Variants in CDKN2B-AS1 observed in about 807,000 individuals in gnomAD.
CDKN2B-AS1 encodes CDKN2B antisense RNA 1 (non-protein coding).
intron 4 of CDKN2B-AS1, among the ~76,000 whole-genome samples, chr9:22,110,209 G>T (rs1402231654): frequency 1.3e-5 from 2 of 151,940 alleles, no homozygotes; most frequent in African/African-American, 4.8e-5. Flanking sequence ...TTCCTTAAAG[G>T]CTGAACTGAA....
At chr9:22,122,424 G>C (rs944883179) in intron 4 of CDKN2B-AS1, among the ~76,000 whole-genome samples, 1 of 151,978 alleles carries the variant, frequency 6.6e-6, no homozygotes, top group African/African-American at 2.4e-5. Context: ...TGTGTATTTT[G>C]TTTGTGTTAC....
At chr9:22,100,300 A>G (rs1825440065) in intron 4 of CDKN2B-AS1, among the ~76,000 whole-genome samples, 1 of 152,100 alleles carries the variant, frequency 6.6e-6, no homozygotes, top group Non-Finnish European at 1.5e-5. Context: ...CTTCATGCTC[A>G]TTTATTTAAT....
At chr9:22,033,715 A>G (rs773664630) in intron 1 of CDKN2B-AS1, among the ~76,000 whole-genome samples, 1 of 152,164 alleles carries the variant, frequency 6.6e-6, no homozygotes, top group Non-Finnish European at 1.5e-5. Flanking sequence ...ACTTGCTCCA[A>G]CAATTAACAC....
chr9:22,009,859 G>C (rs1212861766), intron 1 of CDKN2B-AS1, among the ~76,000 whole-genome samples: 1 of 152,138 alleles, frequency 6.6e-6, no homozygotes, highest in Non-Finnish European at 1.5e-5. Context: ...CATAAAAATA[G>C]AGAAAAATCC....
chr9:22,104,092 T>TGAGGC (rs1413226809), intron 4 of CDKN2B-AS1, among the ~76,000 whole-genome samples: 1 of 152,218 alleles, frequency 6.6e-6, no homozygotes, highest in East Asian at 1.9e-4. Flanking sequence ...CAGATATTAC[T>TGAGGC]AGGGAAATAT....
chr9:22,053,481 C>G (rs1587463107), intron 3 of CDKN2B-AS1, among the ~76,000 whole-genome samples: 1 of 152,184 alleles, frequency 6.6e-6, no homozygotes, highest in East Asian at 1.9e-4. Flanking sequence ...GCAGATAATT[C>G]CCAGTGATCA....
At chr9:22,103,826 G>A (rs1415275488) in intron 4 of CDKN2B-AS1, among the ~76,000 whole-genome samples, 1 of 152,148 alleles carries the variant, frequency 6.6e-6, no homozygotes, top group Non-Finnish European at 1.5e-5. Flanking sequence ...GCACATTGGG[G>A]TTTTCTGGCT....
chr9:22,095,123 G>A (rs1254880155), intron 4 of CDKN2B-AS1, among the ~76,000 whole-genome samples: 3 of 144,648 alleles, frequency 2.1e-5, no homozygotes, highest in Non-Finnish European at 2.9e-5. Context: ...GCTGCAGAAC[G>A]GCGAATGTTG....
At position 22,012,093 on chromosome 9, in the gene CDKN2B-AS1, A is replaced by G. The variant is rs1408307674; in HGVS notation, n.29+16932A>G. 5 of 719,510 alleles carry G rather than the reference A, an allele frequency of 6.9e-6. No individual in the cohort carries two copies. The East Asian group carries it at 1.4e-4, about 20-fold the overall frequency. 44.6% of individuals were successfully genotyped at this position (719,510 alleles called of 1,614,324 possible). On this transcript the variant is annotated intron_variant and non_coding_transcript_variant, in intron 1 of 4. Transcript: ENST00000650946. Reference sequence around the variant, plus strand: ...TGTCTGTATATGACCTTGATATAGAAGTATGAACAGATCTGCCATCCTCTT... The same window carrying G: ...TGTCTGTATATGACCTTGATATAGAGGTATGAACAGATCTGCCATCCTCTT...
rs1424965013 is a variant in CDKN2B-AS1, at chr9:22,006,917, A to C, written n.29+11756A>C. 6.6e-6 allele frequency among the ~76,000 whole-genome samples: 1 copy of C among 152,162 alleles called. No homozygotes were observed. Among genetic ancestry groups the C allele is most frequent in the East Asian group, 1.9e-4 (1 of 5,196 alleles). On this transcript the variant is annotated intron_variant and non_coding_transcript_variant, in intron 1 of 4. Coordinates refer to ENST00000650946, the Ensembl canonical transcript of CDKN2B-AS1. This position sits in a 1 kb window ranked among gnomAD's most constrained non-coding sequence, Gnocchi z 6.4. ...AAATCATGCAAAATCTTATAAAATT[A>C]TAATAAATGATTTTTCCTTAACAGT...
At chr9:22,115,197 G>A (rs1825916056) in intron 4 of CDKN2B-AS1, among the ~76,000 whole-genome samples, 1 of 152,180 alleles carries the variant, frequency 6.6e-6, no homozygotes, top group South Asian at 2.1e-4. Context: ...CTCTTCCTTG[G>A]TGGCTTAAAG....
chr9:22,071,185 T>C (rs550095895), intron 4 of CDKN2B-AS1, among the ~76,000 whole-genome samples: 1 of 149,530 alleles, frequency 6.7e-6, no homozygotes, highest in East Asian at 2.0e-4. Context: ...AGGAGACTAA[T>C]ATCTAGTATG....
intron 1 of CDKN2B-AS1, among the ~76,000 whole-genome samples, chr9:22,035,549 T>A (rs113348150): frequency 1.2e-4 from 18 of 152,258 alleles, no homozygotes; most frequent in Admixed American, 5.2e-4. Context: ...TGGGAAAGTC[T>A]AGGTGTGCCT....
At position 22,056,212 on chromosome 9, in the gene CDKN2B-AS1, G is replaced by GTGTATATATA. The variant is rs1285848864; in HGVS notation, n.303-39_303-38insGTATATATAT. 4.8e-3 allele frequency: 596 copies of GTGTATATATA among 123,800 alleles called. 8 individuals are homozygous for GTGTATATATA. The highest frequency in any genetic ancestry group is 0.014 in the African/African-American group (468 of 32,366). 7.7% of individuals were successfully genotyped at this position (123,800 alleles called of 1,614,324 possible). ...CCAGCTAATTTATATATGTGTGTGT[G>GTGTATATATA]TATATATATATATATATATATATTT... On this transcript the variant is annotated intron_variant and non_coding_transcript_variant, in intron 3 of 4. Transcript: ENST00000650946.
intron 4 of CDKN2B-AS1, among the ~76,000 whole-genome samples, chr9:22,089,725 T>C (rs1190286512): frequency 4.6e-5 from 7 of 152,112 alleles, no homozygotes; most frequent in Non-Finnish European, 8.8e-5. Flanking sequence ...GCTGGAGTTA[T>C]AGGCATGAGC....
chr9:22,096,923 G>A (rs1401690305), intron 4 of CDKN2B-AS1, among the ~76,000 whole-genome samples: 1 of 152,044 alleles, frequency 6.6e-6, no homozygotes, highest in Non-Finnish European at 1.5e-5. Context: ...GCCTTTGCTT[G>A]CTGGTTCCCA....
At chr9:22,028,864 C>G (rs753389901) in intron 1 of CDKN2B-AS1, among the ~76,000 whole-genome samples, 2 of 152,034 alleles carry the variant, frequency 1.3e-5, no homozygotes, top group African/African-American at 4.8e-5. Flanking sequence ...AAATAAATTA[C>G]TAAAGTATAA....
chr9:22,077,080 A>C (rs1440159555), intron 4 of CDKN2B-AS1, among the ~76,000 whole-genome samples: 1 of 152,168 alleles, frequency 6.6e-6, no homozygotes. Flanking sequence ...CCTTTGAGGT[A>C]CATCTACCCA....
At chr9:22,046,656 T>A (rs1403644039) in intron 1 of CDKN2B-AS1, 1 of 152,144 alleles carries the variant, frequency 6.6e-6, no homozygotes, top group African/African-American at 2.4e-5. Context: ...GATAAAAGTG[T>A]TTATGAAGAG....
Sources: gnomAD v4.1 joint callset for allele counts (sites outside exome capture counted in the v4.1 genomes callset) on GRCh38, gnomAD v4.1.1 for gene constraint, Gnocchi (gnomAD v3.1) non-coding constraint, MANE v1.5 for transcripts, NCBI Gene and HGNC (gene_info 2026-07-23, HGNC 2026-07-21) for gene names.